RFTN1: variants seen among roughly 807,000 people sequenced by gnomAD.
RFTN1 encodes the protein raftlin.
A neutral mutation model predicts 46.5 loss-of-function variants in RFTN1; 26 were observed. The observed-to-expected ratio is 0.56, with a 90% confidence interval of 0.41 to 0.78. The LOEUF (loss-of-function observed/expected upper bound fraction) is 0.78, where lower values mean the gene tolerates loss of function less well. Among genes scored for constraint, RFTN1 ranks in the 30% least tolerant of loss-of-function variants. The pLI is 0.00. For missense variants in RFTN1, 693 were observed against 718.7 expected, an observed-to-expected ratio of 0.96 and a Z score of 0.41; for synonymous variants, 261 against 284.2, an observed-to-expected ratio of 0.92 and a Z score of 0.82.
At chr3:16,332,213 A>G (rs1231264365) in intron 7 of RFTN1, among the ~76,000 whole-genome samples, 1 of 150,680 alleles carries the variant, frequency 6.6e-6, no homozygotes, top group Non-Finnish European at 1.5e-5. Flanking sequence ...TCCCTTTTCT[A>G]TCTTCTTTTT....
At chr3:16,395,831 A>G (rs1486542994) in intron 4 of RFTN1, among the ~76,000 whole-genome samples, 5 of 152,228 alleles carry the variant, frequency 3.3e-5, no homozygotes, top group African/African-American at 9.6e-5. Context: ...GTGACACCAG[A>G]TTTTCAAGAC....
In RFTN1 at chr3:16,374,168, C is replaced by T. The variant is rs1189211553; in HGVS notation, c.826+3550G>A. Among the ~76,000 whole-genome samples the T allele has an allele frequency of 6.6e-6, 1 of 152,198 alleles. No homozygotes were observed. The highest frequency in any genetic ancestry group is 2.4e-5 in the African/African-American group (1 of 41,454). ...CCAAACTTGATGAGAGGGGGTGGCC[C>T]TGGTTCTGTGCCCAGAAGTGCTAAG... On this transcript the variant is annotated intron_variant, in intron 5 of 9. Transcript: ENST00000334133. The surrounding 1 kb of genome is among the most constrained non-coding windows in gnomAD (Gnocchi z 5.4).
At chr3:16,365,452 ATATTT>A (rs1284722362) in intron 6 of RFTN1, among the ~76,000 whole-genome samples, 3 of 152,318 alleles carry the variant, frequency 2.0e-5, no homozygotes, top group African/African-American at 4.8e-5. Flanking sequence ...TATTTAATAT[ATATTT>A]TATTTAAAAC....
rs376283976 is a variant in RFTN1, at chr3:16,481,774, G to A, written c.145+11951C>T. Among the ~76,000 whole-genome samples, 10 of 152,320 alleles carry A rather than the reference G, an allele frequency of 6.6e-5. No homozygotes were observed. The South Asian group carries it at 1.2e-3, about 19-fold the overall frequency. ...GGAAGAAACAGATGGTTTCACAGAA[G>A]TCAATGTTACCTAGAGGAGCAAGGA... On this transcript the variant is annotated intron_variant, in intron 2 of 9. Transcript: ENST00000334133. This position sits in a 1 kb window ranked among gnomAD's most constrained non-coding sequence, Gnocchi z 5.1.
chr3:16,343,038 TCTCA>T (rs1480987075), intron 7 of RFTN1, among the ~76,000 whole-genome samples: 3 of 152,048 alleles, frequency 2.0e-5, no homozygotes. Context: ...AGAGACAAGG[TCTCA>T]CTATGTTGCC....
At chr3:16,434,392 AC>A (rs200376914) in intron 2 of RFTN1, among the ~76,000 whole-genome samples, 154 of 120,654 alleles carry the variant, frequency 1.3e-3, no homozygotes, top group Non-Finnish European at 2.3e-3. Context: ...AAACAAACAA[AC>A]AAAAACAAAA....
intron 4 of RFTN1, among the ~76,000 whole-genome samples, chr3:16,398,244 C>CAAAAAAAA (rs202032095): frequency 7.7e-4 from 85 of 110,864 alleles, no homozygotes; most frequent in Non-Finnish European, 1.3e-3. Context: ...AAGACTGTCT[C>CAAAAAAAA]AAAAAAAAAA....
chr3:16,333,082 A>G (rs2070487050), intron 7 of RFTN1, among the ~76,000 whole-genome samples: 1 of 152,244 alleles, frequency 6.6e-6, no homozygotes, highest in African/African-American at 2.4e-5. Flanking sequence ...CTCATGCCTG[A>G]ACAAAGCTCA....
intron 2 of RFTN1, among the ~76,000 whole-genome samples, chr3:16,491,739 C>G (rs1024652497): frequency 6.6e-6 from 1 of 151,252 alleles, no homozygotes; most frequent in African/African-American, 2.4e-5. Flanking sequence ...AACACATAAC[C>G]ACGATGCAAA....
rs562008899 is a variant in RFTN1 at position 16,407,754 on chromosome 3, C to T, written c.441+1621G>A. Among the ~76,000 whole-genome samples, 1 of 152,262 alleles carries T rather than the reference C, an allele frequency of 6.6e-6. No individual in the cohort carries two copies. The highest frequency in any genetic ancestry group is 1.9e-4 in the East Asian group (1 of 5,188). On this transcript the variant is annotated intron_variant, in intron 4 of 9. Coordinates refer to ENST00000334133, the MANE Select transcript of RFTN1 (RefSeq NM_015150.2). This position sits in a 1 kb window ranked among gnomAD's most constrained non-coding sequence, Gnocchi z 4.0. ...CATGCGTTATTAAAACACTTGTGTT[C>T]TCAGGCTTATGCGTATGTGAACAAA... is the stretch of plus-strand genomic sequence containing the variant.
chr3:16,339,790 C>T (rs1184149252), intron 7 of RFTN1: 2 of 152,222 alleles, frequency 1.3e-5, no homozygotes, highest in African/African-American at 2.4e-5. Context: ...TTATCTTGTT[C>T]TTGATGAATC....
rs1559794966 is a variant in RFTN1, at chr3:16,316,987, C to G, written c.1578G>C (p.Leu526=). 6 of 1,613,632 alleles carry G rather than the reference C, an allele frequency of 3.7e-6. No individual in the cohort carries two copies. Among genetic ancestry groups the G allele is most frequent in the Non-Finnish European group, 5.1e-6 (6 of 1,179,884 alleles). The change falls in exon 10 of 10, where the codon CTG becomes CTC. Residue 526 remains leucine (L), a synonymous_variant. Coordinates refer to ENST00000334133, the MANE Select transcript of RFTN1 (RefSeq NM_015150.2). This position sits in a 1 kb window ranked among gnomAD's most constrained non-coding sequence, Gnocchi z 4.5. ...CCTCACCCTCCACACCCACCCCACA[C>G]AGCAGGCCACCAGGGGACAGCTGTT... ...KGEQLSPGGL[L]CGVGVEGEAV... is the part of the protein sequence containing the mutation.
Position 16,377,811 on chromosome 3 carries a change from C to G in RFTN1, c.733G>C (p.Asp245His). The part of the protein sequence containing the change: ...KQPSSPSGEG[D>H]GGELSPQGVS... ...CCCTGTGGTGAAAGTTCTCCACCAT[C>G]TCCCTCTCCGGAGGGTGAGCTGGGC... Residue 245 changes from aspartate to histidine, a missense_variant, in exon 5 of 10, where the codon GAT becomes CAT. Transcript: ENST00000334133. The G allele has an allele frequency of 6.2e-7, 1 of 1,614,216 alleles. No homozygotes were observed. Among genetic ancestry groups the G allele is most frequent in the Non-Finnish European group, 8.5e-7 (1 of 1,180,040 alleles).
At position 16,392,430 on chromosome 3, in the gene RFTN1, C is replaced by T. The variant is rs141727459; in HGVS notation, c.442-14328G>A. On this transcript the variant is annotated intron_variant, in intron 4 of 9. Coordinates refer to ENST00000334133, the MANE Select transcript of RFTN1 (RefSeq NM_015150.2). ...GTGCTGGATCCCAGACAGGAGGTGT[C>T]ACCGAGGTGGGATGTTCAGCACTTC... Among the ~76,000 whole-genome samples the T allele has an allele frequency of 3.9e-4, 59 of 152,222 alleles. 1 individual carries two copies. Among genetic ancestry groups the T allele is most frequent in the African/African-American group, 1.0e-3 (42 of 41,536 alleles).
In RFTN1 at chr3:16,317,013, C is replaced by T. The variant is rs1163189734; in HGVS notation, c.1552G>A (p.Glu518Lys). Reference protein sequence around the residue: ...MKGPVQEDKGEQLSPGGLLCG... With the variant: ...MKGPVQEDKGKQLSPGGLLCG... ...AGCAGGCCACCAGGGGACAGCTGTT[C>T]TCCCTTGTCCTCTTGGACAGGGCCC... Residue 518 changes from glutamate (E) to lysine (K), a missense_variant, in exon 10 of 10, where the codon GAA (glutamate) becomes AAA (lysine). By Grantham distance (56) the Glu-to-Lys change is moderately conservative (BLOSUM62 1). Coordinates refer to ENST00000334133, the MANE Select transcript of RFTN1 (RefSeq NM_015150.2). This position sits in a 1 kb window ranked among gnomAD's most constrained non-coding sequence, Gnocchi z 4.3. The T allele has an allele frequency of 1.2e-6, 2 of 1,613,676 alleles. No homozygotes were observed. The highest frequency in any genetic ancestry group is 1.7e-6 in the Non-Finnish European group (2 of 1,179,960).
At position 16,424,187 on chromosome 3, in the gene RFTN1, T is replaced by G. The variant is rs1229395996; in HGVS notation, c.332+9664A>C. Among the ~76,000 whole-genome samples the G allele has an allele frequency of 1.3e-5, 2 of 152,204 alleles. No homozygotes were observed. Among genetic ancestry groups the G allele is most frequent in the Non-Finnish European group, 2.9e-5 (2 of 68,038 alleles). ...ATGTTTCTATAAGCTCTGGGGCCTCTGAGTTGAAAGATGATGTATTTCTGT... is the reference window on the plus strand; with the variant it reads ...ATGTTTCTATAAGCTCTGGGGCCTCGGAGTTGAAAGATGATGTATTTCTGT... On this transcript the variant is annotated intron_variant, in intron 3 of 9. Coordinates refer to ENST00000334133, the MANE Select transcript of RFTN1 (RefSeq NM_015150.2). This position sits in a 1 kb window ranked among gnomAD's most constrained non-coding sequence, Gnocchi z 4.7.
At chr3:16,495,294 TG>T (rs1327858300) in intron 1 of RFTN1, among the ~76,000 whole-genome samples, 1 of 152,216 alleles carries the variant, frequency 6.6e-6, no homozygotes, top group Non-Finnish European at 1.5e-5. Context: ...TGGCATCCAC[TG>T]GGACAAAGCA....
chr3:16,413,017 T>A lies in RFTN1; in HGVS notation c.333-3534A>T, dbSNP rs2075005794. 6.6e-6 allele frequency among the ~76,000 whole-genome samples: 1 copy of A among 152,222 alleles called. No individual in the cohort carries two copies. The highest frequency in any genetic ancestry group is 1.5e-5 in the Non-Finnish European group (1 of 68,032). Reference sequence around the variant, plus strand: ...AAAATTCTGAAGCAAAGAACCCTGATAAACTACAGAAACCATATGATAATA... The same window carrying A: ...AAAATTCTGAAGCAAAGAACCCTGAAAAACTACAGAAACCATATGATAATA... On this transcript the variant is annotated intron_variant, in intron 3 of 9. Transcript: ENST00000334133. This position sits in a 1 kb window ranked among gnomAD's most constrained non-coding sequence, Gnocchi z 4.7.
At position 16,402,710 on chromosome 3, in the gene RFTN1, T is replaced by C. The variant is rs939027534; in HGVS notation, c.441+6665A>G. ...TATTCTGTTTCATTAAAAGAAGCCA[T>C]TGAGATTTTTCCATCTGTCAAGGTG... On this transcript the variant is annotated intron_variant, in intron 4 of 9. Transcript: ENST00000334133. The surrounding 1 kb of genome is among the most constrained non-coding windows in gnomAD (Gnocchi z 4.5). Among the ~76,000 whole-genome samples, 2 of 152,156 alleles carry C rather than the reference T, an allele frequency of 1.3e-5. No individual in the cohort carries two copies. Among genetic ancestry groups the C allele is most frequent in the Non-Finnish European group, 2.9e-5 (2 of 68,018 alleles).
Sources: allele counts gnomAD v4.1 joint callset (sites outside exome capture counted in the v4.1 genomes callset), GRCh38; gene constraint gnomAD v4.1.1; non-coding constraint Gnocchi (gnomAD v3.1); transcripts MANE v1.5; gene names NCBI Gene and HGNC (gene_info 2026-07-23, HGNC 2026-07-21).